The following MAML2 variants were observed in gnomAD, a reference collection of about 807,000 sequenced individuals.
MAML2 encodes mastermind like transcriptional coactivator 2, also known as mastermind-like protein 2.
A neutral mutation model predicts 96.1 loss-of-function variants in MAML2; 22 were observed. The ratio of observed to expected loss-of-function variants is 0.23; its 90% CI spans 0.16 to 0.33. The LOEUF is 0.33. Among genes scored for constraint, MAML2 ranks in the 10% least tolerant of loss-of-function variants. MAML2 has a pLI of 1.00. For missense variants in MAML2, 1,367 were observed against 1,392.4 expected (o/e 0.98, Z 0.29); for synonymous variants, 561 against 521.3 (o/e 1.08, Z -1.04).
At chr11:96,195,228 C>T (rs893157727) in intron 1 of MAML2, among the ~76,000 whole-genome samples, 1 of 151,946 alleles carries the variant, frequency 6.6e-6, no homozygotes, top group Non-Finnish European at 1.5e-5. Context: ...AACAGTGTCA[C>T]TCTCTGCAAA....
intron 1 of MAML2, among the ~76,000 whole-genome samples, chr11:96,164,734 G>A (rs1037789171): frequency 6.6e-6 from 1 of 152,136 alleles, no homozygotes; most frequent in Non-Finnish European, 1.5e-5. Flanking sequence ...GATGGGCACC[G>A]CGGACCATGT....
At chr11:95,997,623 A>G (rs1276038754) in intron 2 of MAML2, among the ~76,000 whole-genome samples, 2 of 152,214 alleles carry the variant, frequency 1.3e-5, no homozygotes, top group African/African-American at 2.4e-5. Context: ...AAAACAAACA[A>G]CATTTTTATG....
chr11:96,082,747 A>T (rs1255819778), intron 2 of MAML2, among the ~76,000 whole-genome samples: 1 of 152,224 alleles, frequency 6.6e-6, no homozygotes, highest in East Asian at 1.9e-4. Flanking sequence ...TGGAGGGACA[A>T]GGTAGCTGGA....
chr11:96,163,381 C>T (rs1333245166), intron 1 of MAML2, among the ~76,000 whole-genome samples: 1 of 152,214 alleles, frequency 6.6e-6, no homozygotes, highest in African/African-American at 2.4e-5. Context: ...GTGGCTATTT[C>T]CTGGGAGACT....
chr11:96,031,928 G>A (rs1457930822), intron 2 of MAML2, among the ~76,000 whole-genome samples: 2 of 152,106 alleles, frequency 1.3e-5, no homozygotes, highest in Admixed American at 6.5e-5. Context: ...AGAGCTTGCA[G>A]TGAGCTGAGA....
chr11:96,104,073 A>G (rs907777882), intron 1 of MAML2, among the ~76,000 whole-genome samples: 4 of 152,072 alleles, frequency 2.6e-5, no homozygotes, highest in African/African-American at 9.7e-5. Flanking sequence ...ATTCCATCTA[A>G]AGTACATGTT....
rs1565211593 is a variant in MAML2 at position 96,092,219 on chromosome 11, C to CTGCTGCTGCTGCTGCTGCTGT, written c.1811_1812insACAGCAGCAGCAGCAGCAGCA (p.Gln615_Gln621dup). The CTGCTGCTGCTGCTGCTGCTGT allele has an allele frequency of 4.5e-4, 23 of 51,130 alleles. No individual in the cohort carries two copies. The highest frequency in any genetic ancestry group is 0.014 in the East Asian group (1 of 72). The allele number at this position is 51,130 out of a possible 1,614,324, so 3.2% of individuals were successfully genotyped here. On this transcript the variant is annotated inframe_insertion, in exon 2 of 5. Transcript: ENST00000524717. This position sits in a 1 kb window ranked among gnomAD's most constrained non-coding sequence, Gnocchi z 4.1. ...GCTGCTGCTGCTGCTGTTGCTGCTG[C>CTGCTGCTGCTGCTGCTGCTGT]TGCTGCTGCTGCTGCTGCTGCTGCT...
intron 1 of MAML2, among the ~76,000 whole-genome samples, chr11:96,218,630 ACTTTTT>A (rs1332171923): frequency 6.6e-6 from 1 of 152,180 alleles, no homozygotes; most frequent in African/African-American, 2.4e-5. Context: ...TAATACTGAC[ACTTTTT>A]CTTTTTGTTT....
intron 2 of MAML2, among the ~76,000 whole-genome samples, chr11:96,008,709 T>G (rs1451336310): frequency 6.6e-6 from 1 of 152,202 alleles, no homozygotes; most frequent in Non-Finnish European, 1.5e-5. Flanking sequence ...CCACTGAGTA[T>G]CATGGAAATT....
At chr11:96,036,893 C>G (rs767950982) in intron 2 of MAML2, among the ~76,000 whole-genome samples, 2 of 152,164 alleles carry the variant, frequency 1.3e-5, no homozygotes, top group African/African-American at 4.8e-5. Flanking sequence ...TGGGTTTTCT[C>G]CCTATAGTCT....
At chr11:96,152,934 G>T (rs1860947112) in intron 1 of MAML2, among the ~76,000 whole-genome samples, 1 of 152,140 alleles carries the variant, frequency 6.6e-6, no homozygotes, top group Non-Finnish European at 1.5e-5. Context: ...TCTCTCTCAA[G>T]GTGGAGGAAC....
chr11:96,227,685 GGTT>G (rs1413255175), intron 1 of MAML2, among the ~76,000 whole-genome samples: 1 of 152,132 alleles, frequency 6.6e-6, no homozygotes, highest in Non-Finnish European at 1.5e-5. Flanking sequence ...TTCCTTATAT[GGTT>G]GTTGTAAGTT....
chr11:96,032,102 A>G lies in MAML2; in HGVS notation c.2140-40379T>C, dbSNP rs377000747. Among the ~76,000 whole-genome samples the G allele has an allele frequency of 3.6e-3, 554 of 152,298 alleles. 5 individuals carry two copies. Among genetic ancestry groups the G allele is most frequent in the South Asian group, 0.018 (86 of 4,820 alleles). ...AGTGAGCCCACAGTTTTAAATGTCC[A>G]CAAATTAAGAATGTTTGGGATCAAA... On this transcript the variant is annotated intron_variant, in intron 2 of 4. Coordinates refer to ENST00000524717, the MANE Select transcript of MAML2 (RefSeq NM_032427.4).
At chr11:96,029,089 T>C (rs1242567933) in intron 2 of MAML2, among the ~76,000 whole-genome samples, 1 of 151,862 alleles carries the variant, frequency 6.6e-6, no homozygotes, top group South Asian at 2.1e-4. Flanking sequence ...GTGGATCAAT[T>C]CCTCATTTCA....
rs1195191913 is a variant in MAML2, at chr11:96,341,857, C to A, written c.39G>T (p.Gly13=). ...GCCCCGCCCCAGAGGCCCCCCCTAG[C>A]CCTCCTGCGGGGGCCTGCGGGGGCG... ...DTAPPQAPAG[G]LGGASGAGLL... Residue 13 remains glycine, a synonymous_variant, in exon 1 of 5, where the codon GGG becomes GGT. Coordinates refer to ENST00000524717, the MANE Select transcript of MAML2 (RefSeq NM_032427.4). The A allele has an allele frequency of 1.9e-6, 3 of 1,555,880 alleles. No individual in the cohort carries two copies. The highest frequency in any genetic ancestry group is 4.7e-5 in the East Asian group (2 of 42,202).
At chr11:96,297,964 A>G (rs1863326244) in intron 1 of MAML2, among the ~76,000 whole-genome samples, 1 of 152,208 alleles carries the variant, frequency 6.6e-6, no homozygotes, top group African/African-American at 2.4e-5. Context: ...TTGTTTTATT[A>G]GAGTTGAATA....
chr11:96,175,425 T>A (rs898038466), intron 1 of MAML2, among the ~76,000 whole-genome samples: 3 of 152,182 alleles, frequency 2.0e-5, no homozygotes, highest in Non-Finnish European at 4.4e-5. Flanking sequence ...CAAAAACCCA[T>A]AGAGGTACCA....
chr11:96,300,028 G>C (rs1863365564), intron 1 of MAML2, among the ~76,000 whole-genome samples: 1 of 152,168 alleles, frequency 6.6e-6, no homozygotes. Context: ...AAACAGTGGA[G>C]ATAATAGAGG....
chr11:96,012,388 C>T lies in MAML2; in HGVS notation c.2140-20665G>A, dbSNP rs75074538. ...TTAATCATTAAGCGGTTCCCTGTTCCTTGCTGCACGTGTTCACAGCAGCCT... is the reference window on the plus strand; with the variant it reads ...TTAATCATTAAGCGGTTCCCTGTTCTTTGCTGCACGTGTTCACAGCAGCCT... On this transcript the variant is annotated intron_variant, in intron 2 of 4. Coordinates refer to ENST00000524717, the MANE Select transcript of MAML2 (RefSeq NM_032427.4). Among the ~76,000 whole-genome samples the T allele has an allele frequency of 5.5e-3, 834 of 152,330 alleles. 8 individuals are homozygous for T. Among genetic ancestry groups the T allele is most frequent in the African/African-American group, 0.019 (794 of 41,570 alleles).
Sources: gnomAD v4.1 joint callset for allele counts (sites outside exome capture counted in the v4.1 genomes callset) on GRCh38, gnomAD v4.1.1 for gene constraint, Gnocchi (gnomAD v3.1) non-coding constraint, MANE v1.5 for transcripts, NCBI Gene and HGNC (gene_info 2026-07-23, HGNC 2026-07-21) for gene names.